CCDC150: variants seen among roughly 807,000 people sequenced by gnomAD.
The protein encoded by CCDC150 is coiled-coil domain-containing protein 150.
Under a neutral mutation model 156.5 loss-of-function variants are expected in CCDC150, and 151 were observed. The observed-to-expected ratio is 0.97, with a 90% CI of 0.85 to 1.10. The LOEUF is 1.10. CCDC150 is among the 50% of genes least tolerant of loss of function. The pLI is 0.00. For synonymous variants in CCDC150, 452 were observed against 429.4 expected, an observed-to-expected ratio of 1.05 and a Z score of -0.65; for missense variants, 1,312 against 1,268.1, an observed-to-expected ratio of 1.03 and a Z score of -0.53.
chr2:196,703,552 G>C (rs1163244795), intron 15 of CCDC150, among the ~76,000 whole-genome samples: 4 of 152,178 alleles, frequency 2.6e-5, no homozygotes, highest in Non-Finnish European at 5.9e-5. Context: ...TACATTACAG[G>C]CTGGGTATAT....
At chr2:196,673,492 C>A (rs761855476) in intron 9 of CCDC150, among the ~76,000 whole-genome samples, 11 of 152,114 alleles carry the variant, frequency 7.2e-5, no homozygotes, top group African/African-American at 1.2e-4. Flanking sequence ...TACTGCCTGC[C>A]CATACCACTT....
At chr2:196,730,513 G>A (rs1422565796) in intron 25 of CCDC150, among the ~76,000 whole-genome samples, 2 of 152,118 alleles carry the variant, frequency 1.3e-5, no homozygotes, top group Non-Finnish European at 2.9e-5. Context: ...AAAGCATAAC[G>A]TCTTATCACT....
At chr2:196,694,214 G>A (rs1460185760) in intron 13 of CCDC150, among the ~76,000 whole-genome samples, 1 of 151,804 alleles carries the variant, frequency 6.6e-6, no homozygotes, top group Non-Finnish European at 1.5e-5. Flanking sequence ...GTGCCACCAC[G>A]CCTGGCTAAT....
intron 14 of CCDC150, among the ~76,000 whole-genome samples, chr2:196,696,297 A>G (rs1695822909): frequency 6.6e-6 from 1 of 152,164 alleles, no homozygotes; most frequent in Non-Finnish European, 1.5e-5. Context: ...TCTCAGAGAA[A>G]AAAAAAAAGC....
intron 9 of CCDC150, among the ~76,000 whole-genome samples, chr2:196,673,900 A>G (rs1188258637): frequency 1.3e-5 from 2 of 152,172 alleles, no homozygotes; most frequent in South Asian, 2.1e-4. Context: ...ATGGATTTCT[A>G]TAATATTGGC....
At chr2:196,660,281 G>A (rs997310131) in intron 5 of CCDC150, among the ~76,000 whole-genome samples, 14 of 152,156 alleles carry the variant, frequency 9.2e-5, no homozygotes, top group Non-Finnish European at 1.8e-4. Flanking sequence ...ATTGTGTGCA[G>A]GTTCTTACAT....
chr2:196,661,738 C>T (rs1693569954), intron 5 of CCDC150, among the ~76,000 whole-genome samples: 1 of 152,130 alleles, frequency 6.6e-6, no homozygotes. Context: ...TAACTTATTG[C>T]CCTTAATAGT....
rs564486735 is a variant in CCDC150 at position 196,722,516 on chromosome 2, A to G, written c.2429+825A>G. Among the ~76,000 whole-genome samples, 49 of 152,036 alleles carry G rather than the reference A, an allele frequency of 3.2e-4. No homozygotes were observed. The South Asian group carries it at 3.9e-3, about 12-fold the overall frequency. ...GTCTCAAAACTCCTGGGCTCAAACA[A>G]TCCACCTGCCTGGCCTCCCAAAGTG... On this transcript the variant is annotated intron_variant, in intron 21 of 27. Coordinates refer to ENST00000389175, the MANE Select transcript of CCDC150 (RefSeq NM_001080539.2).
chr2:196,677,274 T>TC lies in CCDC150; in HGVS notation c.1441-16dup, dbSNP rs1694566433. The TC allele has an allele frequency of 3.9e-6, 6 of 1,543,902 alleles. No individual in the cohort carries two copies. The highest frequency in any genetic ancestry group is 2.4e-5 in the East Asian group (1 of 41,896). On this transcript the variant is annotated intron_variant, in intron 12 of 27. Transcript: ENST00000389175. Reference sequence around the variant, plus strand: ...ATAAAATTGACCTATTCCTTTTTTTTCCCATCCTCCTTGGGCAGGTTAATA... The same window carrying TC: ...ATAAAATTGACCTATTCCTTTTTTTTCCCCATCCTCCTTGGGCAGGTTAATA...
intron 2 of CCDC150, among the ~76,000 whole-genome samples, chr2:196,650,312 G>A (rs1044493336): frequency 6.6e-6 from 1 of 152,138 alleles, no homozygotes; most frequent in Non-Finnish European, 1.5e-5. Flanking sequence ...TGTGCGTGTT[G>A]AACTGTTGTT....
At chr2:196,680,409 C>T (rs1029318444) in intron 13 of CCDC150, among the ~76,000 whole-genome samples, 6 of 152,116 alleles carry the variant, frequency 3.9e-5, no homozygotes, top group Non-Finnish European at 7.4e-5. Flanking sequence ...GTGATCCTCC[C>T]ACCCACCTCA....
chr2:196,718,631 G>A lies in CCDC150; in HGVS notation c.1995G>A (p.Lys665=). ...CTGTGGAGGACAGGGAAAACAAGAA[G>A]GCAAGGAATCAGTCCCTTCTGACCG... ...LEAVEDRENK[K]VGNFQRQLAE... Residue 665 remains lysine (K), a splice_region_variant and synonymous_variant, in exon 18 of 28, where the codon AAG becomes AAA. Coordinates refer to ENST00000389175, the MANE Select transcript of CCDC150 (RefSeq NM_001080539.2). 6.2e-7 allele frequency: 1 copy of A among 1,613,078 alleles called. No individual in the cohort carries two copies. Among genetic ancestry groups the A allele is most frequent in the Non-Finnish European group, 8.5e-7 (1 of 1,179,370 alleles).
At chr2:196,650,158 A>C (rs1692791344) in intron 2 of CCDC150, among the ~76,000 whole-genome samples, 1 of 152,232 alleles carries the variant, frequency 6.6e-6, no homozygotes, top group East Asian at 1.9e-4. Flanking sequence ...ATGTTGAGGT[A>C]CGTTCCTTCT....
intron 15 of CCDC150, among the ~76,000 whole-genome samples, chr2:196,710,849 T>C (rs1411152686): frequency 6.6e-6 from 1 of 151,636 alleles, no homozygotes; most frequent in Non-Finnish European, 1.5e-5. Flanking sequence ...ACACAGAAGC[T>C]TTCAATTTTA....
intron 13 of CCDC150, among the ~76,000 whole-genome samples, chr2:196,688,925 G>A (rs1390863708): frequency 2.0e-5 from 3 of 151,870 alleles, no homozygotes; most frequent in Non-Finnish European, 4.4e-5. Flanking sequence ...TTTTGTATAA[G>A]GTATAAGGAA....
chr2:196,703,134 A>T (rs1696352699), intron 15 of CCDC150, among the ~76,000 whole-genome samples: 1 of 152,178 alleles, frequency 6.6e-6, no homozygotes, highest in East Asian at 1.9e-4. Context: ...GCAGGGTCAA[A>T]CCACATCCAA....
At chr2:196,700,661 G>A (rs1334969447) in intron 14 of CCDC150, among the ~76,000 whole-genome samples, 1 of 152,096 alleles carries the variant, frequency 6.6e-6, no homozygotes, top group Non-Finnish European at 1.5e-5. Context: ...CATTTATTTT[G>A]TTTTTGAGAT....
At position 196,676,277 on chromosome 2, in the gene CCDC150, T is replaced by C; in HGVS notation, c.1262+10T>C. ...AACTCCAGGCACATCTGTAAGTAAA[T>C]TATGGGCAACTTCTTATACATCTTT... On this transcript the variant is annotated intron_variant, in intron 11 of 27. Coordinates refer to ENST00000389175, the MANE Select transcript of CCDC150 (RefSeq NM_001080539.2). 6.2e-7 allele frequency: 1 copy of C among 1,612,886 alleles called. No homozygotes were observed. Among genetic ancestry groups the C allele is most frequent in the Non-Finnish European group, 8.5e-7 (1 of 1,179,322 alleles).
intron 1 of CCDC150, among the ~76,000 whole-genome samples, chr2:196,642,785 G>A (rs1339838768): frequency 6.6e-6 from 1 of 152,116 alleles, no homozygotes; most frequent in East Asian, 1.9e-4. Context: ...TGTCACCCAG[G>A]CTGGGGTGCA....
Sources: allele counts gnomAD v4.1 joint callset (sites outside exome capture counted in the v4.1 genomes callset), GRCh38; gene constraint gnomAD v4.1.1; transcripts MANE v1.5; gene names NCBI Gene and HGNC (gene_info 2026-07-23, HGNC 2026-07-21).